Variants in ALCAM observed in about 807,000 individuals in gnomAD.
ALCAM encodes activated leukocyte cell adhesion molecule.
Under a neutral mutation model 70.9 loss-of-function variants are expected in ALCAM, and 30 were observed. The ratio of observed to expected loss-of-function variants is 0.42; its 90% CI spans 0.32 to 0.57. The LOEUF (loss-of-function observed/expected upper bound fraction) is 0.57, where lower values mean the gene tolerates loss of function less well. ALCAM is among the 20% of genes least tolerant of loss of function. ALCAM has a pLI of 0.11. For synonymous variants in ALCAM, 249 were observed against 242.5 expected (o/e 1.03, Z -0.25); for missense variants, 591 against 695.1 (o/e 0.85, Z 1.68).
chr3:105,457,088 A>T (rs1253465935), intron 1 of ALCAM, among the ~76,000 whole-genome samples: 1 of 152,166 alleles, frequency 6.6e-6, no homozygotes, highest in Admixed American at 6.5e-5. Context: ...TCCACCCTCC[A>T]TTAGAGTTAT....
At chr3:105,471,638 C>T (rs559043865) in intron 1 of ALCAM, among the ~76,000 whole-genome samples, 2 of 148,356 alleles carry the variant, frequency 1.3e-5, no homozygotes, top group African/African-American at 5.0e-5. Context: ...TCATGAAAAA[C>T]GACTTTTTGG....
At chr3:105,410,276 G>C (rs1936353556) in intron 1 of ALCAM, among the ~76,000 whole-genome samples, 1 of 151,968 alleles carries the variant, frequency 6.6e-6, no homozygotes. Context: ...GGGAAAGGCA[G>C]GTTGGCTAGG....
In ALCAM at chr3:105,367,779, AGCTAGGCGGCGGACTCTT is replaced by A. The variant is rs1457210005; in HGVS notation, c.73+301_73+318del. ...CTCTCCCCTTGTCCCTGCGGCTCCC[AGCTAGGCGGCGGACTCTT>A]GCCCTCTGACAGTTCCTCCTGTCTC... On this transcript the variant is annotated intron_variant, in intron 1 of 15. Transcript: ENST00000306107. Among the ~76,000 whole-genome samples the A allele has an allele frequency of 2.6e-5, 4 of 152,170 alleles. No individual in the cohort carries two copies. In the South Asian group the frequency reaches 6.2e-4, roughly 24 times the overall value.
intron 11 of ALCAM, among the ~76,000 whole-genome samples, chr3:105,549,062 G>A (rs13317567): frequency 0.087 from 13,206 of 151,378 alleles, 828 homozygotes; most frequent in African/African-American, 0.18. Context: ...CAAAGATTCC[G>A]TGAGAAAGTC....
rs1157 is a variant in ALCAM at position 105,576,617 on chromosome 3, G to A, written c.*2166G>A. ...CTGGACCGAAAGCAGAAAGTTTGCC[G>A]GGAAAAAAAAAGACAACATTATTAC... On this transcript the variant is annotated 3_prime_UTR_variant, in exon 16 of 16. Transcript: ENST00000306107. 24,443 of 152,124 alleles carry A rather than the reference G, an allele frequency of 0.16. 2,418 individuals carry two copies. The highest frequency in any genetic ancestry group is 0.23 in the South Asian group (1,100 of 4,810). 9.4% of individuals were successfully genotyped at this position (152,124 alleles called of 1,614,324 possible).
intron 2 of ALCAM, among the ~76,000 whole-genome samples, chr3:105,521,458 G>T (rs956153455): frequency 2.6e-5 from 4 of 151,922 alleles, no homozygotes; most frequent in Non-Finnish European, 4.4e-5. Flanking sequence ...ATATCTCCAA[G>T]AACAAACATT....
chr3:105,401,430 G>T (rs1936087102), intron 1 of ALCAM, among the ~76,000 whole-genome samples: 1 of 152,184 alleles, frequency 6.6e-6, no homozygotes, highest in South Asian at 2.1e-4. Flanking sequence ...ATAATAGTCA[G>T]ATAGCATTGT....
intron 1 of ALCAM, among the ~76,000 whole-genome samples, chr3:105,511,219 T>C (rs1939226693): frequency 6.6e-6 from 1 of 152,054 alleles, no homozygotes; most frequent in Non-Finnish European, 1.5e-5. Context: ...GCTACCATTG[T>C]GGGCAAGCTA....
At chr3:105,499,029 A>T (rs1938846053) in intron 1 of ALCAM, among the ~76,000 whole-genome samples, 1 of 151,842 alleles carries the variant, frequency 6.6e-6, no homozygotes, top group Admixed American at 6.6e-5. Flanking sequence ...AATACAAAGG[A>T]TATAACTTAT....
chr3:105,546,527 CA>C (rs1940251951), intron 9 of ALCAM, among the ~76,000 whole-genome samples: 1 of 151,384 alleles, frequency 6.6e-6, no homozygotes, highest in South Asian at 2.1e-4. Flanking sequence ...TCAGTGATCA[CA>C]AGGCTAGACA....
intron 7 of ALCAM, 79 bp from the exon 8 acceptor site, chr3:105,541,554 G>A (rs1175873885): frequency 6.9e-7 from 1 of 1,440,046 alleles, no homozygotes; most frequent in Non-Finnish European, 9.5e-7. Context: ...TTGATAAAAT[G>A]CTATCTTCAT....
At chr3:105,536,139 G>A (rs1251771219) in intron 6 of ALCAM, among the ~76,000 whole-genome samples, 1 of 150,952 alleles carries the variant, frequency 6.6e-6, no homozygotes, top group East Asian at 2.0e-4. Context: ...TGTTGCCCAG[G>A]CCAGAGTGCA....
intron 1 of ALCAM, among the ~76,000 whole-genome samples, chr3:105,378,186 A>C (rs1413488961): frequency 6.6e-6 from 1 of 151,984 alleles, no homozygotes. Flanking sequence ...AGTAGGAATA[A>C]AATCTATTTT....
intron 1 of ALCAM, among the ~76,000 whole-genome samples, chr3:105,413,432 CT>C (rs1936435520): frequency 6.6e-6 from 1 of 152,252 alleles, no homozygotes; most frequent in East Asian, 1.9e-4. Flanking sequence ...CATCTTCTCT[CT>C]ACACATTTGC....
At chr3:105,432,924 A>G (rs1287127773) in intron 1 of ALCAM, among the ~76,000 whole-genome samples, 1 of 152,138 alleles carries the variant, frequency 6.6e-6, no homozygotes, top group Non-Finnish European at 1.5e-5. Context: ...GCATATATTA[A>G]CCAGCTTCAT....
chr3:105,461,079 G>A (rs1937597633), intron 1 of ALCAM, among the ~76,000 whole-genome samples: 1 of 151,328 alleles, frequency 6.6e-6, no homozygotes, highest in African/African-American at 2.4e-5. Flanking sequence ...TATAATACAG[G>A]GGTTAAAATC....
intron 14 of ALCAM, among the ~76,000 whole-genome samples, chr3:105,556,967 A>G (rs1940532975): frequency 6.6e-6 from 1 of 151,864 alleles, no homozygotes; most frequent in Non-Finnish European, 1.5e-5. Flanking sequence ...AATTAACCCC[A>G]TTTTGTAGTA....
chr3:105,532,040 T>G lies in ALCAM; in HGVS notation c.433T>G (p.Phe145Val), dbSNP rs530196302. 18 of 1,613,516 alleles carry G rather than the reference T, an allele frequency of 1.1e-5. No individual in the cohort carries two copies. The highest frequency in any genetic ancestry group is 1.7e-4 in the Middle Eastern group (1 of 5,862). The change falls in exon 4 of 16, where the codon TTT becomes GTT. Residue 145 changes from phenylalanine (F) to valine (V), a missense_variant. Phe to Val is a conservative substitution (Grantham distance 50). Transcript: ENST00000306107. ...SKPEIVSKAL[F>V]LETEQLKKLG... ...ACCTGAAATTGTAAGCAAAGCACTG[T>G]TTCTCGAAACAGAGCAGCTAAAAAA...
rs1325527056 is a variant in ALCAM, at chr3:105,387,305, A to G, written c.73+19824A>G. On this transcript the variant is annotated intron_variant, in intron 1 of 15. Coordinates refer to ENST00000306107, the MANE Select transcript of ALCAM (RefSeq NM_001627.4). ...AACAAAGCTCAGAAACATTTCAAAC[A>G]TAAGATCATCTTTTACTTTACTTTT... Among the ~76,000 whole-genome samples, 14 of 151,440 alleles carry G rather than the reference A, an allele frequency of 9.2e-5. No homozygotes were observed. The Admixed American group carries it at 9.3e-4, about 10-fold the overall frequency.
Sources: allele counts gnomAD v4.1 joint callset (sites outside exome capture counted in the v4.1 genomes callset), GRCh38; gene constraint gnomAD v4.1.1; transcripts MANE v1.5; gene names NCBI Gene and HGNC (gene_info 2026-07-23, HGNC 2026-07-21).